The following LIX1L variants were observed in gnomAD, a reference collection of about 807,000 sequenced individuals.
LIX1L encodes LIX1-like protein.
A neutral mutation model predicts 34.0 loss-of-function variants in LIX1L; 20 were observed. The observed-to-expected ratio is 0.59, with a 90% CI of 0.41 to 0.85. The LOEUF (loss-of-function observed/expected upper bound fraction) is 0.85, where lower values mean the gene tolerates loss of function less well. Ranked by LOEUF, LIX1L falls within the 40% of genes least tolerant of loss-of-function variation. The probability of loss-of-function intolerance (pLI) is 0.00; values close to 1 mark genes in which losing one functional copy is unlikely to be tolerated. For missense variants in LIX1L, 397 were observed against 447.0 expected, an observed-to-expected ratio of 0.89 and a Z score of 1.01; for synonymous variants, 170 against 187.4, an observed-to-expected ratio of 0.91 and a Z score of 0.76.
At position 145,936,206 on chromosome 1, in the gene LIX1L, A is replaced by G. The variant is rs1460636438; in HGVS notation, c.*104T>C. On this transcript the variant is annotated 3_prime_UTR_variant, in exon 6 of 6. Transcript: ENST00000604000. ...GAATTTATACACATATATATTTTTT[A>G]AAGTATAAAAATGAGAAAGTATGTA... The G allele has an allele frequency of 1.6e-5, 21 of 1,276,786 alleles. No individual in the cohort carries two copies. The highest frequency in any genetic ancestry group is 1.9e-5 in the Non-Finnish European group (18 of 940,100). 79.1% of individuals were successfully genotyped at this position (1,276,786 alleles called of 1,614,324 possible).
At chr1:145,936,777 C>T in intron 5 of LIX1L, 131 bp downstream of exon 5, 3 of 809,398 alleles carry the variant, frequency 3.7e-6, no homozygotes, top group Non-Finnish European at 6.3e-6. Flanking sequence ...GAAGAGGGTA[C>T]TTAGGTAAGG....
intron 3 of LIX1L, among the ~76,000 whole-genome samples, chr1:145,939,270 C>T (rs1553758231): frequency 6.6e-6 from 1 of 151,918 alleles, no homozygotes; most frequent in African/African-American, 2.4e-5. Flanking sequence ...AGAACCAATC[C>T]CACACAGATC....
chr1:145,957,955 GAGCCTGCC>G lies in LIX1L; in HGVS notation c.-36_-29del. On this transcript the variant is annotated 5_prime_UTR_variant, in exon 1 of 6. Coordinates refer to ENST00000604000, the MANE Select transcript of LIX1L (RefSeq NM_153713.3). Reference sequence around the variant, plus strand: ...CGGCCGCCAATGGAGTAGCGCCCCGGAGCCTGCCAGCCTGCCGAGCTAACGGTCCCAAC... The same window carrying G: ...CGGCCGCCAATGGAGTAGCGCCCCGGAGCCTGCCGAGCTAACGGTCCCAAC... 1 of 1,410,962 alleles carries G rather than the reference GAGCCTGCC, an allele frequency of 7.1e-7. No individual in the cohort carries two copies. The highest frequency in any genetic ancestry group is 9.3e-7 in the Non-Finnish European group (1 of 1,075,714). 87.4% of individuals were successfully genotyped at this position (1,410,962 alleles called of 1,614,324 possible).
chr1:145,940,376 G>A (rs1648855795), intron 3 of LIX1L, among the ~76,000 whole-genome samples: 1 of 141,446 alleles, frequency 7.1e-6, no homozygotes, highest in South Asian at 2.2e-4. Flanking sequence ...GAGACAGGGT[G>A]TCACTTTGTT....
intron 1 of LIX1L, chr1:145,950,322 G>C (rs1350319847): frequency 1.3e-5 from 2 of 152,252 alleles, no homozygotes; most frequent in African/African-American, 4.8e-5. Context: ...AGGGAAAGAA[G>C]GAGGTCTAGA....
At position 145,957,643 on chromosome 1, in the gene LIX1L, A is replaced by G. The variant is rs1553760551; in HGVS notation, c.285T>C (p.Tyr95=). ...CCAGACCCGCAGACTCACCTCGGCC[A>G]TAGCCCTGCGTGTGCTTGGCGAAGC... ...VRSFAKHTQG[Y]GRVNVVEALQ... is the part of the protein sequence containing the mutation. Residue 95 remains tyrosine, a synonymous_variant, in exon 1 of 6, where the codon TAT becomes TAC. Transcript: ENST00000604000. The G allele has an allele frequency of 3.2e-6, 5 of 1,540,124 alleles. No individual in the cohort carries two copies. Among genetic ancestry groups the G allele is most frequent in the South Asian group, 2.4e-5 (2 of 83,680 alleles).
At chr1:145,941,062 CTTTTT>C (rs879952067) in intron 3 of LIX1L, 2 of 151,910 alleles carry the variant, frequency 1.3e-5, no homozygotes, top group Non-Finnish European at 2.9e-5. Flanking sequence ...CTGGCTTTTT[CTTTTT>C]TTATTTGGTT....
At chr1:145,956,855 T>C (rs1649489715) in intron 1 of LIX1L, among the ~76,000 whole-genome samples, 1 of 152,224 alleles carries the variant, frequency 6.6e-6, no homozygotes, top group Admixed American at 6.5e-5. Flanking sequence ...CGAAGTTTTC[T>C]AACTGAAATA....
In LIX1L at chr1:145,936,989, G is replaced by C; in HGVS notation, c.694-4C>G. The C allele has an allele frequency of 6.2e-7, 1 of 1,605,936 alleles. No homozygotes were observed. The highest frequency in any genetic ancestry group is 8.5e-7 in the Non-Finnish European group (1 of 1,172,592). ...GTTGAAAAACTGTCATTAGCTCCTGGGGGAAGAGGATAGGAAGTACCAGGA... is the reference window on the plus strand; with the variant it reads ...GTTGAAAAACTGTCATTAGCTCCTGCGGGAAGAGGATAGGAAGTACCAGGA... On this transcript the variant is annotated splice_polypyrimidine_tract_variant and splice_region_variant and intron_variant, in intron 4 of 5. Coordinates refer to ENST00000604000, the MANE Select transcript of LIX1L (RefSeq NM_153713.3).
At position 145,957,616 on chromosome 1, in the gene LIX1L, G is replaced by A. The variant is rs1553760538; in HGVS notation, c.292+20C>T. On this transcript the variant is annotated intron_variant, in intron 1 of 5. Transcript: ENST00000604000. ...CCCTTACAGAGGGTGTCGCGCAGGA[G>A]GCCAGACCCGCAGACTCACCTCGGC... The A allele has an allele frequency of 1.3e-6, 2 of 1,504,222 alleles. No homozygotes were observed. Among genetic ancestry groups the A allele is most frequent in the African/African-American group, 2.9e-5 (2 of 68,832 alleles). 93.2% of individuals were successfully genotyped at this position (1,504,222 alleles called of 1,614,324 possible). A position where few individuals can be genotyped will look rare whatever the true frequency, so the allele number is the denominator to read the frequency against.
At chr1:145,952,678 C>T (rs1438936753) in intron 1 of LIX1L, among the ~76,000 whole-genome samples, 2 of 151,548 alleles carry the variant, frequency 1.3e-5, no homozygotes, top group African/African-American at 4.9e-5. Context: ...GTAGCATGAT[C>T]TTGGCTCACG....
intron 2 of LIX1L, 139 bp from the exon 3 acceptor site, chr1:145,942,992 A>T (rs782124802): frequency 2.6e-4 from 218 of 827,462 alleles, no homozygotes; most frequent in Non-Finnish European, 3.8e-4. Context: ...ACACTTTCCA[A>T]GGTTTTTATG....
intron 2 of LIX1L, chr1:145,944,666 A>G (rs1649038210): frequency 6.6e-6 from 1 of 152,156 alleles, no homozygotes; most frequent in South Asian, 2.1e-4. Context: ...GCAGTTATGG[A>G]TATGCCCTTG....
intron 1 of LIX1L, 21 bp from the exon 2 acceptor site, chr1:145,947,803 A>G (rs954444556): frequency 1.2e-5 from 20 of 1,612,732 alleles, no homozygotes; most frequent in Non-Finnish European, 1.6e-5. Flanking sequence ...GAAGTACTTA[A>G]GTTCAGCAAT....
chr1:145,957,153 G>T (rs970236050), intron 1 of LIX1L, among the ~76,000 whole-genome samples: 2 of 152,202 alleles, frequency 1.3e-5, no homozygotes, highest in Non-Finnish European at 2.9e-5. Context: ...ATTTCAGAGT[G>T]AAGGTAAGTA....
At chr1:145,947,564 G>A in intron 2 of LIX1L, 55 bp downstream of exon 2, 1 of 1,572,600 alleles carries the variant, frequency 6.4e-7, no homozygotes, top group Non-Finnish European at 8.7e-7. Context: ...GGTGGAGAAA[G>A]CCGTTACTAA....
chr1:145,937,360 C>T (rs1006218835), intron 4 of LIX1L: 12 of 310,802 alleles, frequency 3.9e-5, no homozygotes, highest in African/African-American at 2.4e-4. Flanking sequence ...TTAGTAGAAA[C>T]GGGGCTTTGC....
At position 145,957,858 on chromosome 1, in the gene LIX1L, G is replaced by A; in HGVS notation, c.70C>T (p.Leu24=). 1.4e-6 allele frequency: 2 copies of A among 1,456,882 alleles called. No individual in the cohort carries two copies. Among genetic ancestry groups the A allele is most frequent in the South Asian group, 2.7e-5 (2 of 74,448 alleles). 90.2% of individuals were successfully genotyped at this position (1,456,882 alleles called of 1,614,324 possible). ...GTSGRGTLRA[L]RPGVTGAAAA... is the part of the protein sequence containing the mutation. ...GCGGCCCCAGTCACTCCGGGCCGCA[G>A]CGCTCGGAGAGTGCCCCTCCCGCTG... The change falls in exon 1 of 6, where the codon CTG becomes TTG. Residue 24 remains leucine (L), a synonymous_variant. Transcript: ENST00000604000.
At chr1:145,951,854 C>T (rs1199553405) in intron 1 of LIX1L, among the ~76,000 whole-genome samples, 1 of 152,190 alleles carries the variant, frequency 6.6e-6, no homozygotes, top group Non-Finnish European at 1.5e-5. Context: ...TGTTCAGTCT[C>T]TATCCAGTTA....
Sources: gnomAD v4.1 joint callset for allele counts (sites outside exome capture counted in the v4.1 genomes callset) on GRCh38, gnomAD v4.1.1 for gene constraint, MANE v1.5 for transcripts, NCBI Gene and HGNC (gene_info 2026-07-23, HGNC 2026-07-21) for gene names.